The following BMX variants were observed in gnomAD, a reference collection of about 807,000 sequenced individuals.
BMX encodes BMX non-receptor tyrosine kinase.
BMX carries 31 observed loss-of-function variants against 59.2 expected under a neutral mutation model. The observed-to-expected ratio is 0.52, with a 90% CI of 0.39 to 0.71. The LOEUF is 0.71. Ranked by LOEUF, BMX falls within the 30% of genes least tolerant of loss-of-function variation. BMX has a pLI of 0.00. For synonymous variants in BMX, 185 were observed against 181.0 expected, an observed-to-expected ratio of 1.02 and a Z score of -0.18; for missense variants, 474 against 491.7, an observed-to-expected ratio of 0.96 and a Z score of 0.34.
chrX:15,509,468 G>T, intron 3 of BMX, 35 bp downstream of exon 3: 2 of 970,073 alleles, frequency 2.1e-6, no homozygotes, highest in Non-Finnish European at 1.4e-6. Context: ...TGGGTGGATA[G>T]TTCTTCCTTC....
At position 15,546,937 on chromosome X, in the gene BMX, C is replaced by T; in HGVS notation, c.1795+16C>T. On this transcript the variant is annotated intron_variant, in intron 17 of 18. Coordinates refer to ENST00000348343, the MANE Select transcript of BMX (RefSeq NM_203281.3). ...TGGGCATTTGGTAAGGATGTGGCCACATACGACCTGGCCCTGTTTCATAAG... is the reference window on the plus strand; with the variant it reads ...TGGGCATTTGGTAAGGATGTGGCCATATACGACCTGGCCCTGTTTCATAAG... The T allele has an allele frequency of 8.6e-7, 1 of 1,157,253 alleles. No homozygotes were observed. Among genetic ancestry groups the T allele is most frequent in the African/African-American group, 1.8e-5 (1 of 56,622 alleles).
intron 6 of BMX, 144 bp from the exon 7 acceptor site, chrX:15,522,202 C>G: frequency 1.3e-6 from 1 of 762,153 alleles, no homozygotes; most frequent in Non-Finnish European, 1.9e-6. Flanking sequence ...TTGCCTCTTT[C>G]CTTCCTCCCT....
At chrX:15,511,577 C>T (rs1250420196) in intron 4 of BMX, 59 bp downstream of exon 4, 7 of 1,000,823 alleles carry the variant, frequency 7.0e-6, no homozygotes, top group South Asian at 4.4e-5. Context: ...AAAAGAGAGT[C>T]GTTTTTTGAG....
chrX:15,553,921 C>T (rs1312462527), intron 18 of BMX, among the ~76,000 whole-genome samples: 3 of 112,217 alleles, frequency 2.7e-5, no homozygotes, highest in Non-Finnish European at 5.6e-5. Context: ...TGAATTGTGG[C>T]AGAATCTGTG....
intron 4 of BMX, among the ~76,000 whole-genome samples, chrX:15,514,341 A>G (rs1339438100): frequency 2.7e-5 from 3 of 112,421 alleles, no homozygotes; most frequent in African/African-American, 9.7e-5. Flanking sequence ...AGTTAAATTA[A>G]GGGAATGATA....
chrX:15,523,324 C>T (rs1209791514), intron 7 of BMX, among the ~76,000 whole-genome samples: 2 of 112,000 alleles, frequency 1.8e-5, no homozygotes, highest in African/African-American at 6.5e-5. Flanking sequence ...CTGCCTTTCC[C>T]CACAATGGAT....
At chrX:15,537,337 C>T in intron 14 of BMX, 32 bp downstream of exon 14, 5 of 1,204,828 alleles carry the variant, frequency 4.1e-6, no homozygotes, top group Non-Finnish European at 4.5e-6. Context: ...GCTGTTTAGC[C>T]CTCATCATGG....
intron 18 of BMX, among the ~76,000 whole-genome samples, chrX:15,554,326 A>G (rs1418017532): frequency 8.9e-6 from 1 of 112,095 alleles, no homozygotes; most frequent in Admixed American, 9.5e-5. Context: ...GCTTGATGGC[A>G]TCTTAGTGCA....
chrX:15,546,313 G>T (rs1233716479), intron 16 of BMX, among the ~76,000 whole-genome samples: 1 of 111,597 alleles, frequency 9.0e-6, no homozygotes, highest in African/African-American at 3.3e-5. Context: ...TCCATAAGAA[G>T]AAATAATAAG....
At chrX:15,517,893 A>C in intron 5 of BMX, 36 bp from the exon 6 acceptor site, 1 of 1,133,747 alleles carries the variant, frequency 8.8e-7, no homozygotes, top group Non-Finnish European at 1.2e-6. Context: ...GTTTTGTTTA[A>C]AGTTCCTTCT....
In BMX at chrX:15,549,950, C is replaced by T; in HGVS notation, c.1906C>T (p.Leu636=). Residue 636 remains leucine (L), a synonymous_variant, in exon 18 of 19, where the codon CTG becomes TTG. Transcript: ENST00000348343. ...GGGCCACAGGCTTTACCGGCCCCAC[C>T]TGGCATCGGACACCATCTACCAGAT... ...SQGHRLYRPH[L]ASDTIYQIMY... 1 of 1,209,626 alleles carries T rather than the reference C, an allele frequency of 8.3e-7. No homozygotes were observed. The highest frequency in any genetic ancestry group is 1.1e-6 in the Non-Finnish European group (1 of 894,592).
intron 14 of BMX, among the ~76,000 whole-genome samples, chrX:15,540,577 A>T (rs979064231): frequency 1.8e-5 from 2 of 111,486 alleles, no homozygotes; most frequent in South Asian, 3.8e-4. Context: ...ATAATAAAAA[A>T]AAAAATAAAA....
intron 9 of BMX, among the ~76,000 whole-genome samples, chrX:15,527,451 C>T (rs760665544): frequency 1.8e-5 from 2 of 108,914 alleles, no homozygotes; most frequent in South Asian, 4.0e-4. Flanking sequence ...AAGGTTCTTT[C>T]CAAAATCTAA....
At position 15,537,176 on chromosome X, in the gene BMX, A is replaced by C. The variant is rs144679519; in HGVS notation, c.1265A>C (p.Glu422Ala). 2.2e-3 allele frequency: 2,654 copies of C among 1,208,825 alleles called. 2 individuals carry two copies. The highest frequency in any genetic ancestry group is 2.8e-3 in the Non-Finnish European group (2,470 of 894,784). ...LKREEITLLK[E>A]LGSGQFGVVQ... ...AGAGAAGAGATTACCTTGTTGAAGGAGCTGGGAAGTGGCCAGTTTGGAGTG... is the reference window on the plus strand; with the variant it reads ...AGAGAAGAGATTACCTTGTTGAAGGCGCTGGGAAGTGGCCAGTTTGGAGTG... Residue 422 changes from glutamate to alanine, a missense_variant, in exon 14 of 19, where the codon GAG becomes GCG. Glu to Ala is a moderately radical substitution (Grantham distance 107). Coordinates refer to ENST00000348343, the MANE Select transcript of BMX (RefSeq NM_203281.3).
Position 15,549,900 on chromosome X carries a change from C to T in BMX, c.1856C>T (p.Ser619Phe). 1 of 1,210,425 alleles carries T rather than the reference C, an allele frequency of 8.3e-7. No individual in the cohort carries two copies. The highest frequency in any genetic ancestry group is 3.0e-5 in the East Asian group (1 of 33,814). The change falls in exon 18 of 19, where the codon TCC (serine) becomes TTC (phenylalanine). Residue 619 changes from serine to phenylalanine, a missense_variant. Transcript: ENST00000348343. ...GKQPYDLYDN[S>F]QVVLKVSQGH... The stretch of plus-strand genomic sequence containing the variant: ...CAGCCCTATGACTTGTATGACAACT[C>T]CCAGGTGGTTCTGAAGGTCTCCCAG...
intron 9 of BMX, among the ~76,000 whole-genome samples, chrX:15,529,233 A>G (rs1924946309): frequency 8.9e-6 from 1 of 111,865 alleles, no homozygotes; most frequent in Admixed American, 9.5e-5. Flanking sequence ...AAACTCATAC[A>G]GAGATTATAC....
At position 15,509,290 on chromosome X, in the gene BMX, T is replaced by A. The variant is rs199555338; in HGVS notation, c.139-39T>A. 4 of 1,054,198 alleles carry A rather than the reference T, an allele frequency of 3.8e-6. No individual in the cohort carries two copies. In the East Asian group the frequency reaches 1.1e-4, roughly 29 times the overall value. The allele number at this position is 1,054,198 out of a possible 1,213,427, so 86.9% of individuals were successfully genotyped here. On this transcript the variant is annotated intron_variant, in intron 2 of 18. Transcript: ENST00000348343. ...ATGCCTTTCCTTGTGCACCATGATG[T>A]ATTGCAGGAAGTATCTTACATTTTG...
intron 18 of BMX, among the ~76,000 whole-genome samples, chrX:15,551,229 T>C (rs909221404): frequency 2.7e-5 from 3 of 111,775 alleles, no homozygotes; most frequent in Middle Eastern, 4.2e-3. Flanking sequence ...TATATGGTAC[T>C]TCCTCAATGG....
chrX:15,516,301 G>C, intron 5 of BMX, 70 bp downstream of exon 5: 1 of 1,142,582 alleles, frequency 8.8e-7, no homozygotes, highest in Non-Finnish European at 1.2e-6. Flanking sequence ...ACCTGCCAGA[G>C]GCCAGAAGAG....
Sources: gnomAD v4.1 joint callset for allele counts (sites outside exome capture counted in the v4.1 genomes callset) on GRCh38, gnomAD v4.1.1 for gene constraint, MANE v1.5 for transcripts, NCBI Gene and HGNC (gene_info 2026-07-23, HGNC 2026-07-21) for gene names.